The following RNF17 variants were observed in gnomAD, a reference collection of about 807,000 sequenced individuals.
RNF17 encodes the protein spermatogenesis associated 23.
In RNF17, 31 loss-of-function variants were observed where a neutral mutation model predicts 200.5. The ratio of observed to expected loss-of-function variants is 0.15; its 90% CI spans 0.12 to 0.21. The LOEUF (loss-of-function observed/expected upper bound fraction) is 0.21, where lower values mean the gene tolerates loss of function less well. Among genes scored for constraint, RNF17 ranks in the 10% least tolerant of loss-of-function variants. RNF17 has a pLI of 1.00. For missense variants in RNF17, 1,628 were observed against 1,905.1 expected, an observed-to-expected ratio of 0.85 and a Z score of 2.71; for synonymous variants, 606 against 637.8, an observed-to-expected ratio of 0.95 and a Z score of 0.75.
chr13:24,768,670 A>G (rs1028039905), intron 2 of RNF17, among the ~76,000 whole-genome samples: 1 of 151,400 alleles, frequency 6.6e-6, no homozygotes, highest in Non-Finnish European at 1.5e-5. Context: ...GGCAAACCCT[A>G]TGGAGGCATG....
chr13:24,759,079 C>CAAAAAAAAAAAAAAAAAAAAAAAA, the RNF17 span, among the ~76,000 whole-genome samples: 1 of 65,368 alleles, frequency 1.5e-5, no homozygotes, highest in Non-Finnish European at 2.7e-5. Context: ...ACTGTGTCTC[C>CAAAAAAAAAAAAAAAAAAAAAAAA]AAAAAAAAAA....
intron 14 of RNF17, among the ~76,000 whole-genome samples, chr13:24,803,339 C>G (rs73162037): frequency 6.6e-6 from 1 of 152,110 alleles, no homozygotes; most frequent in Non-Finnish European, 1.5e-5. Flanking sequence ...ATCCCATCAC[C>G]CAGGCTAGAG....
intron 16 of RNF17, among the ~76,000 whole-genome samples, chr13:24,826,650 G>T (rs1888670305): frequency 6.6e-6 from 1 of 152,084 alleles, no homozygotes; most frequent in African/African-American, 2.4e-5. Context: ...GTGTGTGCCT[G>T]TAAGCCCAGC....
Position 24,861,368 on chromosome 13 carries a change from A to G in RNF17, c.3875A>G (p.Gln1292Arg). ...ATACCCCAGTTTTGTATTCCTTGTC[A>G]GCTCCATAATACCACACCTGTGAGT... ...PDIPQFCIPC[Q>R]LHNTTPVGNV... Residue 1292 changes from glutamine (Q) to arginine (R), a missense_variant, in exon 27 of 36, where the codon CAG (glutamine) becomes CGG (arginine). Around this residue, in one of 5 missense-constraint regions of RNF17, gnomAD observed 609 missense variants for 681.9 expected, o/e 0.89. Coordinates refer to ENST00000255324, the MANE Select transcript of RNF17 (RefSeq NM_031277.3). 1 of 1,568,698 alleles carries G rather than the reference A, an allele frequency of 6.4e-7. No individual in the cohort carries two copies. The highest frequency in any genetic ancestry group is 2.4e-5 in the East Asian group (1 of 42,186).
At position 24,879,780 on chromosome 13, in the gene RNF17, A is replaced by G. The variant is rs569968103; in HGVS notation, c.*54A>G. The G allele has an allele frequency of 6.5e-6, 1 of 152,932 alleles. No homozygotes were observed. Among genetic ancestry groups the G allele is most frequent in the South Asian group, 2.1e-4 (1 of 4,852 alleles). 9.5% of individuals were successfully genotyped at this position (152,932 alleles called of 1,614,324 possible). A position where few individuals can be genotyped will look rare whatever the true frequency, so the allele number is the denominator to read the frequency against. ...TATAGAAGCCTAGAAGAATTCTGTT[A>G]TGTTTAGACTATGTCTTATCTTTAG... is the stretch of plus-strand genomic sequence containing the variant. On this transcript the variant is annotated 3_prime_UTR_variant, in exon 36 of 36. Coordinates refer to ENST00000255324, the MANE Select transcript of RNF17 (RefSeq NM_031277.3).
intron 15 of RNF17, 126 bp downstream of exon 15, chr13:24,804,555 G>A (rs1242783010): frequency 1.3e-5 from 8 of 638,000 alleles, no homozygotes; most frequent in Middle Eastern, 4.3e-4. Flanking sequence ...CCTTCTATAC[G>A]TTTAAATTTC....
At chr13:24,876,065 C>T (rs1162981905) in intron 33 of RNF17, among the ~76,000 whole-genome samples, 1 of 152,096 alleles carries the variant, frequency 6.6e-6, no homozygotes, top group Admixed American at 6.5e-5. Flanking sequence ...CCTAATCTTA[C>T]AAAGTATTTA....
the RNF17 span, chr13:24,885,583 AAT>A: frequency 1.9e-6 from 3 of 1,547,488 alleles, no homozygotes; most frequent in Non-Finnish European, 2.7e-6. Context: ...ATGTTTGAAG[AAT>A]ATATAAAAAC....
intron 18 of RNF17, among the ~76,000 whole-genome samples, chr13:24,840,266 A>G (rs1416896892): frequency 6.6e-6 from 1 of 152,196 alleles, no homozygotes; most frequent in Non-Finnish European, 1.5e-5. Context: ...ACACTTCTAC[A>G]CTGCTGGCAG....
At chr13:24,753,463 C>G in the RNF17 span, among the ~76,000 whole-genome samples, 1 of 152,106 alleles carries the variant, frequency 6.6e-6, no homozygotes, top group African/African-American at 2.4e-5. Flanking sequence ...CTTGGGGAGG[C>G]AGAGGGGGAA....
intron 16 of RNF17, 79 bp downstream of exon 16, chr13:24,825,851 C>T (rs148890179): frequency 7.8e-5 from 114 of 1,461,846 alleles, no homozygotes; most frequent in Middle Eastern, 3.6e-4. Flanking sequence ...CCAATTCAAT[C>T]TTGGAAGTAA....
intron 27 of RNF17, 26 bp from the exon 28 acceptor site, chr13:24,862,687 A>T (rs1286328425): frequency 2.1e-6 from 3 of 1,444,806 alleles, no homozygotes; most frequent in Non-Finnish European, 2.9e-6. Context: ...AGCATAAAAG[A>T]ATCTGAGTTT....
chr13:24,862,756 A>C lies in RNF17; in HGVS notation c.3938A>C (p.Gln1313Pro). The C allele has an allele frequency of 6.2e-7, 1 of 1,609,278 alleles. No homozygotes were observed. The highest frequency in any genetic ancestry group is 1.3e-5 in the African/African-American group (1 of 74,972). The change falls in exon 28 of 36, where the codon CAA becomes CCA. Residue 1313 changes from glutamine to proline, a missense_variant. Gln to Pro is a moderately conservative substitution (Grantham distance 76, BLOSUM62 -1). This residue lies in a region of RNF17 where 609 missense variants were observed against 681.9 expected (regional missense o/e 0.89). Coordinates refer to ENST00000255324, the MANE Select transcript of RNF17 (RefSeq NM_031277.3). ...WQPDAIEVLQ[Q>P]LLSKRQVDIH... ...CCAGATGCAATAGAAGTTCTTCAAC[A>C]ACTGCTTTCAAAGAGACAGGTGGAC...
At chr13:24,768,287 CTT>C (rs34718905) in intron 2 of RNF17, among the ~76,000 whole-genome samples, 1 of 136,264 alleles carries the variant, frequency 7.3e-6, no homozygotes. Context: ...CTGTAAATTC[CTT>C]TTTTTTTTTT....
chr13:24,767,108 A>G (rs775976545), intron 1 of RNF17, among the ~76,000 whole-genome samples, 164 bp from the exon 2 acceptor site: 30 of 152,286 alleles, frequency 2.0e-4, no homozygotes, highest in Non-Finnish European at 4.1e-4. Flanking sequence ...ACACACCTAT[A>G]GTCCCAGCTA....
At chr13:24,771,293 T>C (rs1480005860) in intron 2 of RNF17, among the ~76,000 whole-genome samples, 3 of 142,864 alleles carry the variant, frequency 2.1e-5, no homozygotes, top group Non-Finnish European at 4.5e-5. Flanking sequence ...TAGCTGGGAC[T>C]AAAGGGGAGT....
intron 3 of RNF17, 34 bp downstream of exon 3, chr13:24,774,938 A>C (rs1220295686): frequency 7.6e-7 from 1 of 1,309,320 alleles, no homozygotes; most frequent in African/African-American, 1.5e-5. Flanking sequence ...GAGTATTTAA[A>C]GTCAATGTGT....
chr13:24,880,441 T>C (rs565617882), downstream of RNF17, among the ~76,000 whole-genome samples: 12 of 152,364 alleles, frequency 7.9e-5, no homozygotes, highest in Admixed American at 7.8e-4. Flanking sequence ...ACTACTGTTA[T>C]GATTTGGTGT....
intron 2 of RNF17, among the ~76,000 whole-genome samples, chr13:24,772,050 TATGTG>T (rs1410202373): frequency 6.6e-6 from 1 of 152,162 alleles, no homozygotes; most frequent in South Asian, 2.1e-4. Context: ...TTTTATGTGT[TATGTG>T]ATGTAAGGTG....
Sources: gnomAD v4.1 joint callset for allele counts (sites outside exome capture counted in the v4.1 genomes callset) on GRCh38, gnomAD v4.1.1 for gene constraint, gnomAD v4.1.1 regional missense constraint, MANE v1.5 for transcripts, NCBI Gene and HGNC (gene_info 2026-07-23, HGNC 2026-07-21) for gene names.